Variants in SART1 observed in about 807,000 individuals in gnomAD.
SART1 encodes spliceosome associated factor 1, recruiter of U4/U6.U5 tri-snRNP.
SART1 carries 28 observed loss-of-function variants against 105.0 expected under a neutral mutation model. The ratio of observed to expected loss-of-function variants is 0.27; its 90% confidence interval spans 0.20 to 0.37. The LOEUF is 0.37. Among genes scored for constraint, SART1 ranks in the 10% least tolerant of loss-of-function variants. The probability of loss-of-function intolerance (pLI) is 1.00; values close to 1 mark genes in which losing one functional copy is unlikely to be tolerated. For synonymous variants in SART1, 472 were observed against 462.9 expected (o/e 1.02, Z -0.25); for missense variants, 894 against 1,106.5 (o/e 0.81, Z 2.72).
At chr11:65,967,862 C>T (rs1273419419) in intron 12 of SART1, 41 bp downstream of exon 12, 2 of 1,449,116 alleles carry the variant, frequency 1.4e-6, no homozygotes, top group South Asian at 2.8e-5. Flanking sequence ...TCAGCAGTCA[C>T]CTGTCCTCAC....
chr11:65,962,084 T>G lies in SART1; in HGVS notation c.304T>G (p.Tyr102Asp). 1 of 1,183,072 alleles carries G rather than the reference T, an allele frequency of 8.5e-7. No homozygotes were observed. The highest frequency in any genetic ancestry group is 1.1e-6 in the Non-Finnish European group (1 of 945,562). The allele number at this position is 1,183,072 out of a possible 1,614,324, so 73.3% of individuals were successfully genotyped here. The change falls in exon 1 of 20, where the codon TAC (tyrosine) becomes GAC (aspartate). Residue 102 changes from tyrosine to aspartate, a missense_variant. Physicochemically the swap from Tyr to Asp is radical, Grantham distance 160. Coordinates refer to ENST00000312397, the MANE Select transcript of SART1 (RefSeq NM_005146.5). The part of the protein sequence containing the change: ...RVKREKRDDG[Y>D]EAAASSKTSS... The stretch of plus-strand genomic sequence containing the variant: ...GAAGCGGGAGAAGCGCGATGACGGC[T>G]ACGAGGCCGGTGAGGAGGCGGGGCC...
intron 2 of SART1, 103 bp from the exon 3 acceptor site, chr11:65,964,412 G>T: frequency 7.3e-7 from 1 of 1,376,770 alleles, no homozygotes; most frequent in Non-Finnish European, 1.0e-6. Flanking sequence ...CTTTGTGTTT[G>T]GGACCACTCA....
At chr11:65,970,638 G>T (rs1216467710) in intron 12 of SART1, among the ~76,000 whole-genome samples, 1 of 151,718 alleles carries the variant, frequency 6.6e-6, no homozygotes, top group African/African-American at 2.4e-5. Flanking sequence ...TTCCAGTGAA[G>T]AGGTGGCAGA....
At chr11:65,967,958 T>A (rs1374760855) in intron 12 of SART1, 137 bp downstream of exon 12, 1 of 824,754 alleles carries the variant, frequency 1.2e-6, no homozygotes, top group Non-Finnish European at 1.8e-6. Context: ...TGTTTTTTTT[T>A]TTTTTTTTTG....
rs113296365 is a variant in SART1 at position 65,967,700 on chromosome 11, C to T, written c.1451C>T (p.Pro484Leu). ...SDEEEGGAPP[P>L]GSPQVLEEDE... is the part of the protein sequence containing the mutation. ...CCAGAGGAAGGTGGAGCTCCACCGC[C>T]GGGGTCCCCGCAGGTGCTGGAGGAG... The change falls in exon 12 of 20, where the codon CCG becomes CTG. Residue 484 changes from proline (P) to leucine (L), a missense_variant. Physicochemically the swap from Pro to Leu is moderately conservative, Grantham distance 98 (BLOSUM62 -3). Around this residue, in one of 2 missense-constraint regions of SART1, gnomAD observed 712 missense variants for 778.2 expected, o/e 0.91. Transcript: ENST00000312397. 15 of 1,564,494 alleles carry T rather than the reference C, an allele frequency of 9.6e-6. No homozygotes were observed. The highest frequency in any genetic ancestry group is 6.7e-5 in the African/African-American group (5 of 74,130).
intron 6 of SART1, 25 bp downstream of exon 6, chr11:65,965,804 AG>A (rs1855240334): frequency 1.2e-6 from 2 of 1,613,714 alleles, no homozygotes; most frequent in East Asian, 2.2e-5. Flanking sequence ...GGGGTGGTAC[AG>A]GGGACACTGG....
intron 2 of SART1, 36 bp downstream of exon 2, chr11:65,964,167 CT>C (rs1855201864): frequency 6.3e-7 from 1 of 1,592,674 alleles, no homozygotes; most frequent in Non-Finnish European, 8.6e-7. Flanking sequence ...CTTTGTTTTT[CT>C]AAGAGAGGTG....
At chr11:65,966,735 C>T (rs1049137392) in intron 9 of SART1, among the ~76,000 whole-genome samples, 179 bp downstream of exon 9, 1 of 152,216 alleles carries the variant, frequency 6.6e-6, no homozygotes, top group African/African-American at 2.4e-5. Flanking sequence ...GTCAGGGCTG[C>T]TGAGCCAGAT....
intron 12 of SART1, among the ~76,000 whole-genome samples, chr11:65,972,747 A>G (rs889072583): frequency 2.0e-5 from 3 of 151,680 alleles, no homozygotes; most frequent in Non-Finnish European, 4.4e-5. Context: ...TATCACAGAT[A>G]GCTATGATAG....
chr11:65,962,672 C>G (rs138011111), intron 1 of SART1, among the ~76,000 whole-genome samples: 1 of 152,230 alleles, frequency 6.6e-6, no homozygotes, highest in Non-Finnish European at 1.5e-5. Context: ...TTGCTCAGAT[C>G]CGTATTTTGT....
In SART1 at chr11:65,968,955, C is replaced by T. The variant is rs138417683; in HGVS notation, c.1572+1134C>T. On this transcript the variant is annotated intron_variant, in intron 12 of 19. Transcript: ENST00000312397. ...CTGTCATCTCCATCATTCCAGAGGC[C>T]ACACTTTTAGCCCTACCCCACACTT... Among the ~76,000 whole-genome samples, 271 of 152,264 alleles carry T rather than the reference C, an allele frequency of 1.8e-3. 2 individuals carry two copies. The highest frequency in any genetic ancestry group is 2.0e-3 in the Non-Finnish European group (138 of 68,010).
Position 65,965,754 on chromosome 11 carries a change from A to G in SART1, c.713A>G (p.Glu238Gly). The G allele has an allele frequency of 6.2e-7, 1 of 1,614,004 alleles. No individual in the cohort carries two copies. The highest frequency in any genetic ancestry group is 8.5e-7 in the Non-Finnish European group (1 of 1,179,980). Residue 238 changes from glutamate (E) to glycine (G), a missense_variant, in exon 6 of 20, where the codon GAG (glutamate) becomes GGG (glycine). This residue lies in a region of SART1 where 712 missense variants were observed against 778.2 expected (regional missense o/e 0.91). Transcript: ENST00000312397. The stretch of plus-strand genomic sequence containing the variant: ...GAGTTTGGTGTCAGCACTCTGGTGG[A>G]GGAGGAGTTCGGGCAGAGGCGGCAG... ...DQEFGVSTLV[E>G]EEFGQRRQDL...
Position 65,979,458 on chromosome 11 carries a change from T to G in SART1, c.*428T>G. On this transcript the variant is annotated 3_prime_UTR_variant, in exon 20 of 20. Transcript: ENST00000312397. ...TGGGTAGGGCACAGGTGCCACCTTC[T>G]GTCCTGGCTGTCCTGTGCCACCCTG... 4.3e-6 allele frequency: 1 copy of G among 234,482 alleles called. No individual in the cohort carries two copies. Among genetic ancestry groups the G allele is most frequent in the Non-Finnish European group, 8.5e-6 (1 of 118,322 alleles). 14.5% of individuals were successfully genotyped at this position (234,482 alleles called of 1,614,324 possible). A position where few individuals can be genotyped will look rare whatever the true frequency, so the allele number is the denominator to read the frequency against.
chr11:65,961,900 C>T lies in SART1; in HGVS notation c.120C>T (p.His40=), dbSNP rs778244813. 71 of 1,555,238 alleles carry T rather than the reference C, an allele frequency of 4.6e-5. No homozygotes were observed. In the Admixed American group the frequency reaches 1.3e-3, roughly 29 times the overall value. ...PRHREHKKHK[H]RSGGSGGSGG... ...ACCGGGAACACAAAAAACACAAGCA[C>T]CGGAGTGGCGGCAGTGGCGGTAGCG... is the stretch of plus-strand genomic sequence containing the variant. The change falls in exon 1 of 20, where the codon CAC becomes CAT. Residue 40 remains histidine, a synonymous_variant. Coordinates refer to ENST00000312397, the MANE Select transcript of SART1 (RefSeq NM_005146.5).
intron 12 of SART1, among the ~76,000 whole-genome samples, chr11:65,968,832 C>T (rs1855313445): frequency 6.6e-6 from 1 of 152,182 alleles, no homozygotes. Flanking sequence ...ACCCCATGGT[C>T]GTCGCTGCCC....
intron 1 of SART1, among the ~76,000 whole-genome samples, chr11:65,963,637 G>T (rs906102437): frequency 1.3e-5 from 2 of 152,012 alleles, no homozygotes; most frequent in Non-Finnish European, 2.9e-5. Flanking sequence ...GCGCACCACC[G>T]TGCCTGGCTA....
At position 65,978,200 on chromosome 11, in the gene SART1, C is replaced by T. The variant is rs754610860; in HGVS notation, c.2172+301C>T. The T allele has an allele frequency of 6.2e-4, 315 of 509,614 alleles. 1 individual carries two copies. Among genetic ancestry groups the T allele is most frequent in the Middle Eastern group, 3.2e-3 (6 of 1,856 alleles). The allele number at this position is 509,614 out of a possible 1,614,324, so 31.6% of individuals were successfully genotyped here. Reference sequence around the variant, plus strand: ...GAGCCCTTCACTGGCTTTCCTGGCCCGCAGGGCCATTCCAGCGTCCAGGCC... The same window carrying T: ...GAGCCCTTCACTGGCTTTCCTGGCCTGCAGGGCCATTCCAGCGTCCAGGCC... On this transcript the variant is annotated intron_variant, in intron 17 of 19. Transcript: ENST00000312397. This position sits in a 1 kb window ranked among gnomAD's most constrained non-coding sequence, Gnocchi z 6.8.
In SART1 at chr11:65,964,568, A is replaced by T; in HGVS notation, c.425A>T (p.Lys142Met). The change falls in exon 3 of 20, where the codon AAG (lysine) becomes ATG (methionine). Residue 142 changes from lysine to methionine, a missense_variant and splice_region_variant. Physicochemically the swap from Lys to Met is moderately conservative, Grantham distance 95. This residue lies in a region of SART1 where 712 missense variants were observed against 778.2 expected (regional missense o/e 0.91). Transcript: ENST00000312397. ...LKPLEVNAIK[K>M]EAGTKEEPVT... ...CCCTTGGAGGTTAATGCCATCAAGA[A>T]GGGTGAGTATGGGGCTGAGGATAGG... is the stretch of plus-strand genomic sequence containing the variant. The T allele has an allele frequency of 2.5e-6, 4 of 1,610,392 alleles. No homozygotes were observed. The highest frequency in any genetic ancestry group is 3.4e-6 in the Non-Finnish European group (4 of 1,179,036).
At position 65,967,267 on chromosome 11, in the gene SART1, T is replaced by C. The variant is rs1249627584; in HGVS notation, c.1197T>C (p.Phe399=). The part of the protein sequence containing the change: ...EYLTPEEMVT[F]KKTKRRVKKI... ...GCCCCTCTTCCCTTAAGGTGACCTT[T>C]AAAAAGACCAAGCGGAGGGTGAAGA... The change falls in exon 10 of 20, where the codon TTT becomes TTC. Residue 399 remains phenylalanine, a synonymous_variant. Transcript: ENST00000312397. 6.2e-7 allele frequency: 1 copy of C among 1,613,712 alleles called. No individual in the cohort carries two copies. Among genetic ancestry groups the C allele is most frequent in the Non-Finnish European group, 8.5e-7 (1 of 1,179,910 alleles).
Sources: gnomAD v4.1 joint callset for allele counts (sites outside exome capture counted in the v4.1 genomes callset) on GRCh38, gnomAD v4.1.1 for gene constraint, gnomAD v4.1.1 regional missense constraint, Gnocchi (gnomAD v3.1) non-coding constraint, MANE v1.5 for transcripts, NCBI Gene and HGNC (gene_info 2026-07-23, HGNC 2026-07-21) for gene names.